ESPN: variants seen among roughly 807,000 people sequenced by gnomAD.
The protein encoded by ESPN is autosomal recessive deafness type 36 protein.
ESPN carries 68 observed loss-of-function variants against 77.7 expected under a neutral mutation model. That is an observed-to-expected ratio of 0.87 (90% CI 0.72 to 1.07). ESPN has a LOEUF of 1.07. Ranked by LOEUF, ESPN falls within the 50% of genes least tolerant of loss-of-function variation. The pLI, the probability that ESPN is intolerant of heterozygous loss-of-function variation, is 0.00. For missense variants in ESPN, 1,060 were observed against 1,239.0 expected, an observed-to-expected ratio of 0.86 and a Z score of 2.17; for synonymous variants, 449 against 567.1, an observed-to-expected ratio of 0.79 and a Z score of 2.96.
Position 6,451,548 on chromosome 1 carries a change from G to A in ESPN, c.1916-55G>A, listed in dbSNP as rs530076430. On this transcript the variant is annotated intron_variant, in intron 8 of 12. Transcript: ENST00000645284. This position sits in a 1 kb window ranked among gnomAD's most constrained non-coding sequence, Gnocchi z 4.3. ...GGGGCTGCAGAGGGGCGGGTGAGGG[G>A]TGGCGGGGATGCAGCCCCACCCTGG... The A allele has an allele frequency of 3.9e-5, 62 of 1,588,140 alleles. No individual in the cohort carries two copies. The East Asian group carries it at 1.3e-3, about 34-fold the overall frequency.
intron 7 of ESPN, chr1:6,448,352 A>G: frequency 2.7e-6 from 1 of 376,204 alleles, no homozygotes; most frequent in Non-Finnish European, 4.8e-6. Context: ...GGGCTGGGCC[A>G]CCCCGCCCCT....
At chr1:6,429,143 A>G (rs1168688317) in intron 2 of ESPN, among the ~76,000 whole-genome samples, 4 of 151,590 alleles carry the variant, frequency 2.6e-5, no homozygotes, top group Admixed American at 2.0e-4. Flanking sequence ...GCGCCTGGGG[A>G]GGCAGGGATC....
intron 1 of ESPN, among the ~76,000 whole-genome samples, chr1:6,425,450 T>C (rs1416294676): frequency 6.6e-6 from 1 of 152,192 alleles, no homozygotes; most frequent in Non-Finnish European, 1.5e-5. Flanking sequence ...CTGGCGAGCC[T>C]GGGTGCTCCC....
At chr1:6,459,015 A>T (rs1246852997) in intron 12 of ESPN, among the ~76,000 whole-genome samples, 2 of 149,572 alleles carry the variant, frequency 1.3e-5, no homozygotes, top group Admixed American at 1.3e-4. Flanking sequence ...CGGAGGCAGA[A>T]TGATCACCTG....
At position 6,460,369 on chromosome 1, in the gene ESPN, C is replaced by G. The variant is rs1415230990; in HGVS notation, c.*223C>G. ...CCAGAAAAAGTGCCCAAGCTGCTGA[C>G]GCAAACAACAACAAATGCTGCTTAT... On this transcript the variant is annotated 3_prime_UTR_variant, in exon 13 of 13. Transcript: ENST00000645284. 1.7e-6 allele frequency: 1 copy of G among 582,836 alleles called. No individual in the cohort carries two copies. The highest frequency in any genetic ancestry group is 1.9e-5 in the African/African-American group (1 of 53,546). The allele number at this position is 582,836 out of a possible 1,614,324, so 36.1% of individuals were successfully genotyped here.
At chr1:6,458,008 G>GA (rs34724255) in intron 12 of ESPN, among the ~76,000 whole-genome samples, 2,647 of 84,946 alleles carry the variant, frequency 0.031, 39 homozygotes, top group African/African-American at 0.057. Flanking sequence ...CTCATTCTGC[G>GA]AAAAAAAAAA....
At chr1:6,454,024 G>A (rs1420348626) in intron 10 of ESPN, among the ~76,000 whole-genome samples, 3 of 152,228 alleles carry the variant, frequency 2.0e-5, no homozygotes, top group Admixed American at 2.0e-4. Context: ...GGGGTCATGA[G>A]TCTGGGAGGA....
intron 10 of ESPN, among the ~76,000 whole-genome samples, chr1:6,453,514 T>G (rs4071608): frequency 6.6e-6 from 1 of 151,132 alleles, no homozygotes; most frequent in African/African-American, 2.4e-5. Context: ...AGGAGGAGAG[T>G]GGGCTGAAGA....
rs565599888 is a variant in ESPN at position 6,444,526 on chromosome 1, G to A, written c.1036G>A (p.Glu346Lys). 14 of 1,614,210 alleles carry A rather than the reference G, an allele frequency of 8.7e-6. No individual in the cohort carries two copies. In the East Asian group the frequency reaches 2.9e-4, roughly 33 times the overall value. The change falls in exon 6 of 13, where the codon GAG becomes AAG. Residue 346 changes from glutamate to lysine, a missense_variant. Transcript: ENST00000645284. ...VLSRDPSAEL[E>K]AKQPDSGMSS... is the part of the protein sequence containing the mutation. ...TTCCCGGGATCCATCCGCAGAGCTG[G>A]AGGCTAAGCAGCCGGATTCAGGCAT...
In ESPN at chr1:6,427,462, C is replaced by T. The variant is rs1381532953; in HGVS notation, c.295-764C>T. Among the ~76,000 whole-genome samples, 3 of 152,304 alleles carry T rather than the reference C, an allele frequency of 2.0e-5. No homozygotes were observed. Among genetic ancestry groups the T allele is most frequent in the East Asian group, 1.9e-4 (1 of 5,174 alleles). Reference sequence around the variant, plus strand: ...AGTTCTGGGCCCAGACCTCTGGCCCCACCTGCTCTGAGGTCCCCGGGGGGA... The same window carrying T: ...AGTTCTGGGCCCAGACCTCTGGCCCTACCTGCTCTGAGGTCCCCGGGGGGA... On this transcript the variant is annotated intron_variant, in intron 1 of 12. Transcript: ENST00000645284. This position sits in a 1 kb window ranked among gnomAD's most constrained non-coding sequence, Gnocchi z 4.6.
rs2148501878 is a variant in ESPN, at chr1:6,427,527, A to G, written c.295-699A>G. On this transcript the variant is annotated intron_variant, in intron 1 of 12. Coordinates refer to ENST00000645284, the MANE Select transcript of ESPN (RefSeq NM_031475.3). This position sits in a 1 kb window ranked among gnomAD's most constrained non-coding sequence, Gnocchi z 4.6. ...CTCCCAGAGGCCACCACTAGCCTGC[A>G]CCTAGCACCCCTGGCTGACTGCCCC... Among the ~76,000 whole-genome samples the G allele has an allele frequency of 6.6e-6, 1 of 152,182 alleles. No individual in the cohort carries two copies. Among genetic ancestry groups the G allele is most frequent in the East Asian group, 1.9e-4 (1 of 5,174 alleles).
chr1:6,426,538 C>T (rs571209598), intron 1 of ESPN, among the ~76,000 whole-genome samples: 1 of 152,260 alleles, frequency 6.6e-6, no homozygotes, highest in East Asian at 1.9e-4. Flanking sequence ...AGATAAGCTG[C>T]TTTAGGGTGT....
chr1:6,440,931 C>A lies in ESPN; in HGVS notation c.859-3C>A. 2 of 1,571,756 alleles carry A rather than the reference C, an allele frequency of 1.3e-6. No homozygotes were observed. Among genetic ancestry groups the A allele is most frequent in the Non-Finnish European group, 1.7e-6 (2 of 1,160,020 alleles). ...GCCGGGTCCTCACTGCGTGCCCCCG[C>A]AGTGCTGCCAGATCCTGGTAGTGAA... On this transcript the variant is annotated splice_polypyrimidine_tract_variant and splice_region_variant and intron_variant, in intron 4 of 12. Coordinates refer to ENST00000645284, the MANE Select transcript of ESPN (RefSeq NM_031475.3).
intron 12 of ESPN, among the ~76,000 whole-genome samples, chr1:6,458,896 G>A (rs2148550218): frequency 6.9e-6 from 1 of 145,022 alleles, no homozygotes; most frequent in East Asian, 2.0e-4. Context: ...ACGCCGTTTT[G>A]TACTCTAGCC....
intron 2 of ESPN, among the ~76,000 whole-genome samples, chr1:6,434,691 C>T (rs1399912242): frequency 2.0e-5 from 3 of 152,168 alleles, no homozygotes; most frequent in African/African-American, 7.2e-5. Context: ...CTGCCCGGCC[C>T]GTCATCACGT....
chr1:6,427,102 G>T lies in ESPN; in HGVS notation c.295-1124G>T, dbSNP rs1247785143. On this transcript the variant is annotated intron_variant, in intron 1 of 12. Coordinates refer to ENST00000645284, the MANE Select transcript of ESPN (RefSeq NM_031475.3). This position sits in a 1 kb window ranked among gnomAD's most constrained non-coding sequence, Gnocchi z 4.6. Reference sequence around the variant, plus strand: ...GTGATTTGACTTCCTGAGGCCTGGGGTCTCTTGCCAGCTCCTGCCGCCTCT... The same window carrying T: ...GTGATTTGACTTCCTGAGGCCTGGGTTCTCTTGCCAGCTCCTGCCGCCTCT... Among the ~76,000 whole-genome samples, 1 of 152,026 alleles carries T rather than the reference G, an allele frequency of 6.6e-6. No homozygotes were observed. The highest frequency in any genetic ancestry group is 1.5e-5 in the Non-Finnish European group (1 of 68,014).
Position 6,444,509 on chromosome 1 carries a change from A to T in ESPN, c.1019A>T (p.Asp340Val). The T allele has an allele frequency of 6.2e-7, 1 of 1,614,146 alleles. No individual in the cohort carries two copies. Among genetic ancestry groups the T allele is most frequent in the Non-Finnish European group, 8.5e-7 (1 of 1,180,018 alleles). ...GTGGAGCACCGCGTGCTTTCCCGGG[A>T]TCCATCCGCAGAGCTGGAGGCTAAG... ...LSVEHRVLSRDPSAELEAKQP... is the reference protein window; with the variant it reads ...LSVEHRVLSRVPSAELEAKQP... Residue 340 changes from aspartate to valine, a missense_variant, in exon 6 of 13, where the codon GAT becomes GTT. Asp to Val is a radical substitution (Grantham distance 152). This residue lies in a region of ESPN where 556 missense variants were observed against 633.6 expected (regional missense o/e 0.88). Transcript: ENST00000645284.
At chr1:6,425,896 G>A (rs1643016661) in intron 1 of ESPN, among the ~76,000 whole-genome samples, 2 of 152,220 alleles carry the variant, frequency 1.3e-5, no homozygotes, top group Non-Finnish European at 2.9e-5. Context: ...AGGCAGCGGT[G>A]GGACAGTTCC....
At chr1:6,461,203 A>C, downstream of ESPN, 1 of 724,752 alleles carries the variant, frequency 1.4e-6, no homozygotes, top group Non-Finnish European at 2.5e-6. This position sits in a 1 kb window ranked among gnomAD's most constrained non-coding sequence, Gnocchi z 6.3. Context: ...ATCTCAGCCA[A>C]ACTCCGGCCG....
Sources: gnomAD v4.1 joint callset for allele counts (sites outside exome capture counted in the v4.1 genomes callset) on GRCh38, gnomAD v4.1.1 for gene constraint, gnomAD v4.1.1 regional missense constraint, Gnocchi (gnomAD v3.1) non-coding constraint, MANE v1.5 for transcripts, NCBI Gene and HGNC (gene_info 2026-07-23, HGNC 2026-07-21) for gene names.